Variants in MUSK observed in about 807,000 individuals in gnomAD.
MUSK encodes the protein muscle, skeletal receptor tyrosine-protein kinase.
MUSK carries 55 observed loss-of-function variants against 88.7 expected under a neutral mutation model. The observed-to-expected ratio is 0.62, with a 90% CI of 0.50 to 0.78. The LOEUF is 0.78. MUSK is among the 30% of genes least tolerant of loss of function. MUSK has a pLI of 0.00. For missense variants in MUSK, 1,015 were observed against 1,074.3 expected, an observed-to-expected ratio of 0.94 and a Z score of 0.77; for synonymous variants, 387 against 391.9, an observed-to-expected ratio of 0.99 and a Z score of 0.15.
At chr9:110,689,603 TTA>T (rs1475059466) in intron 3 of MUSK, among the ~76,000 whole-genome samples, 1 of 82,220 alleles carries the variant, frequency 1.2e-5, no homozygotes, top group East Asian at 3.0e-4. Context: ...ATATAACATA[TTA>T]TATATTTTAG....
chr9:110,701,680 T>TTTTACTTTACTTTAC (rs755152064), intron 5 of MUSK, among the ~76,000 whole-genome samples: 1 of 8,948 alleles, frequency 1.1e-4, no homozygotes, highest in Non-Finnish European at 2.0e-4. Context: ...ATTTTATTTT[T>TTTTACTTTACTTTAC]TTTACTTTAC....
At chr9:110,741,860 G>A (rs186930160) in intron 6 of MUSK, among the ~76,000 whole-genome samples, 15 of 152,192 alleles carry the variant, frequency 9.9e-5, no homozygotes, top group South Asian at 2.1e-4. Context: ...TTTAGTTAAT[G>A]TGATTTTGGG....
rs1395885868 is a variant in MUSK at position 110,697,413 on chromosome 9, C to CA, written c.581dup (p.Asn194LysfsTer16). 6.2e-7 allele frequency: 1 copy of CA among 1,612,152 alleles called. No homozygotes were observed. Among genetic ancestry groups the CA allele is most frequent in the Non-Finnish European group, 8.5e-7 (1 of 1,178,914 alleles). ...GATGCAGGACAGTATCGATGTGTGGCAAAAAACAGCCTCGGGACAGCATAT... is the reference window on the plus strand; with the variant it reads ...GATGCAGGACAGTATCGATGTGTGGCAAAAAAACAGCCTCGGGACAGCATAT... On this transcript the variant is annotated frameshift_variant, in exon 5 of 15. Transcript: ENST00000374448. LOFTEE classifies it high-confidence loss of function.
intron 6 of MUSK, among the ~76,000 whole-genome samples, chr9:110,740,494 T>C (rs947149834): frequency 2.6e-5 from 4 of 152,178 alleles, no homozygotes; most frequent in African/African-American, 9.7e-5. Flanking sequence ...CATTCCAAAA[T>C]AGTTTTTATT....
Position 110,718,271 on chromosome 9 carries a change from G to C in MUSK, c.629-15980G>C, listed in dbSNP as rs188731491. 2.6e-5 allele frequency among the ~76,000 whole-genome samples: 4 copies of C among 152,070 alleles called. No individual in the cohort carries two copies. The East Asian group carries it at 7.8e-4, about 30-fold the overall frequency. On this transcript the variant is annotated intron_variant, in intron 5 of 14. Transcript: ENST00000374448. Reference sequence around the variant, plus strand: ...AGGAGGAGTTAGTAATGTTTTTCATGGTCTAGCTTCAAAAGCCACACACAG... The same window carrying C: ...AGGAGGAGTTAGTAATGTTTTTCATCGTCTAGCTTCAAAAGCCACACACAG...
At chr9:110,710,796 C>T (rs2076659021) in intron 5 of MUSK, among the ~76,000 whole-genome samples, 2 of 151,862 alleles carry the variant, frequency 1.3e-5, no homozygotes, top group Non-Finnish European at 2.9e-5. Context: ...GAGCTTATAT[C>T]ATATTTTATT....
chr9:110,745,631 A>T (rs915818192), intron 6 of MUSK, among the ~76,000 whole-genome samples: 1 of 152,154 alleles, frequency 6.6e-6, no homozygotes, highest in Non-Finnish European at 1.5e-5. Flanking sequence ...GAGACATTGC[A>T]CTTCTGATAA....
At chr9:110,675,591 A>G (rs1587877336) in intron 1 of MUSK, among the ~76,000 whole-genome samples, 2 of 60,050 alleles carry the variant, frequency 3.3e-5, no homozygotes, top group Non-Finnish European at 6.4e-5. Flanking sequence ...TTTTTTTGGG[A>G]CTGAGTCTCA....
At chr9:110,767,057 C>T (rs985500062) in intron 8 of MUSK, among the ~76,000 whole-genome samples, 1 of 152,332 alleles carries the variant, frequency 6.6e-6, no homozygotes. Context: ...CTAGCATTTA[C>T]AGGTTTCTCC....
chr9:110,754,376 T>C (rs1253889186), intron 7 of MUSK, among the ~76,000 whole-genome samples: 1 of 152,230 alleles, frequency 6.6e-6, no homozygotes, highest in East Asian at 1.9e-4. Context: ...TTTTAAATAC[T>C]ACAAATATTG....
chr9:110,701,652 ATTTATTTTAT>A lies in MUSK; in HGVS notation c.628+4189_628+4198del, dbSNP rs1300492658. On this transcript the variant is annotated intron_variant, in intron 5 of 14. Coordinates refer to ENST00000374448, the MANE Select transcript of MUSK (RefSeq NM_005592.4). ...CAGGTGTGCACTACTGTGCTCAGCT[ATTTATTTTAT>A]TTATTTTATTTTATTTTTTTTACTT... Among the ~76,000 whole-genome samples the A allele has an allele frequency of 2.4e-3, 26 of 10,786 alleles. 8 individuals are homozygous for A. The highest frequency in any genetic ancestry group is 2.3e-3 in the Non-Finnish European group (10 of 4,440). 7.1% of individuals were successfully genotyped at this position (10,786 alleles called of 152,430 possible).
intron 5 of MUSK, chr9:110,727,772 T>C (rs986293614): frequency 3.9e-5 from 6 of 152,122 alleles, no homozygotes; most frequent in African/African-American, 1.4e-4. Context: ...ATCCACAATC[T>C]GTGAAAGACT....
chr9:110,736,689 T>C (rs2077033731), intron 6 of MUSK, among the ~76,000 whole-genome samples: 1 of 152,102 alleles, frequency 6.6e-6, no homozygotes, highest in African/African-American at 2.4e-5. Context: ...TTTCCTTGTG[T>C]GCCTAGCTAT....
intron 5 of MUSK, among the ~76,000 whole-genome samples, chr9:110,698,205 T>C (rs1026102447): frequency 6.6e-6 from 1 of 152,200 alleles, no homozygotes; most frequent in Non-Finnish European, 1.5e-5. Flanking sequence ...GCTCTTCCTG[T>C]TGTATGCCAG....
chr9:110,727,278 T>C (rs2076898004), intron 5 of MUSK, among the ~76,000 whole-genome samples: 1 of 152,044 alleles, frequency 6.6e-6, no homozygotes, highest in Non-Finnish European at 1.5e-5. Context: ...GACCTTCTCA[T>C]TGGGAAGACT....
In MUSK at chr9:110,703,483, T is replaced by C. The variant is rs575286063; in HGVS notation, c.628+6017T>C. On this transcript the variant is annotated intron_variant, in intron 5 of 14. Coordinates refer to ENST00000374448, the MANE Select transcript of MUSK (RefSeq NM_005592.4). ...AGGCAGAGGTTGCAGTGAGCCAAGA[T>C]TGCACCACTACACTCCAGCCTGGGC... is the stretch of plus-strand genomic sequence containing the variant. Among the ~76,000 whole-genome samples the C allele has an allele frequency of 8.4e-4, 127 of 151,792 alleles. 1 individual carries two copies. The highest frequency in any genetic ancestry group is 3.0e-3 in the African/African-American group (123 of 41,416).
At position 110,755,980 on chromosome 9, in the gene MUSK, A is replaced by ATATATATATACATATATATATACG. The variant is rs2077316529; in HGVS notation, c.914-6212_914-6211insCATATATATATACGTATATATATA. Among the ~76,000 whole-genome samples, 20 of 34,672 alleles carry ATATATATATACATATATATATACG rather than the reference A, an allele frequency of 5.8e-4. No homozygotes were observed. In the South Asian group the frequency reaches 0.01, roughly 18 times the overall value. The allele number at this position is 34,672 out of a possible 152,430, so 22.7% of individuals were successfully genotyped here. A position where few individuals can be genotyped will look rare whatever the true frequency, so the allele number is the denominator to read the frequency against. On this transcript the variant is annotated intron_variant, in intron 7 of 14. Transcript: ENST00000374448. ...TATATATATACATATATATATATACATATATATATATATATATGAATTTAT... is the reference window on the plus strand; with the variant it reads ...TATATATATACATATATATATATACATATATATATACATATATATATACGTATATATATATATATATGAATTTAT...
chr9:110,718,904 G>A (rs925711678), intron 5 of MUSK, among the ~76,000 whole-genome samples: 5 of 152,052 alleles, frequency 3.3e-5, no homozygotes, highest in Non-Finnish European at 5.9e-5. Flanking sequence ...AACCCTACAA[G>A]CTAGAAGAAA....
chr9:110,781,198 C>A (rs931810970), intron 11 of MUSK, among the ~76,000 whole-genome samples: 5 of 151,592 alleles, frequency 3.3e-5, no homozygotes, highest in African/African-American at 1.2e-4. Context: ...TATCTCTCTA[C>A]CCTGACTCCA....
Sources: gnomAD v4.1 joint callset for allele counts (sites outside exome capture counted in the v4.1 genomes callset) on GRCh38, gnomAD v4.1.1 for gene constraint, MANE v1.5 for transcripts, NCBI Gene and HGNC (gene_info 2026-07-23, HGNC 2026-07-21) for gene names.